COLEC10: variants seen among roughly 807,000 people sequenced by gnomAD.
COLEC10 encodes the protein collectin subfamily member 10.
A neutral mutation model predicts 28.4 loss-of-function variants in COLEC10; 22 were observed. That is an observed-to-expected ratio of 0.78 (90% CI 0.55 to 1.11). The LOEUF is 1.11. COLEC10 is among the 50% of genes least tolerant of loss of function. The pLI, the probability that COLEC10 is intolerant of heterozygous loss-of-function variation, is 0.00. For missense variants in COLEC10, 361 were observed against 344.1 expected (o/e 1.05, Z -0.39); for synonymous variants, 125 against 116.1 (o/e 1.08, Z -0.49).
chr8:118,977,868 C>T, the COLEC10 span, among the ~76,000 whole-genome samples: 1 of 151,954 alleles, frequency 6.6e-6, no homozygotes, highest in Non-Finnish European at 1.5e-5. Flanking sequence ...GTCTCACACT[C>T]CTGTGATTTT....
intron 1 of COLEC10, among the ~76,000 whole-genome samples, chr8:118,999,488 G>T (rs1813650742): frequency 6.6e-6 from 1 of 152,004 alleles, no homozygotes; most frequent in African/African-American, 2.4e-5. Context: ...CTACTCAGGA[G>T]GCTGAGGCAG....
chr8:119,012,800 A>C (rs1247761486), intron 2 of COLEC10, among the ~76,000 whole-genome samples: 1 of 150,188 alleles, frequency 6.7e-6, no homozygotes, highest in Non-Finnish European at 1.5e-5. Context: ...TATCCATTGG[A>C]TCTGTAGTGA....
chr8:118,964,156 G>A, the COLEC10 span, among the ~76,000 whole-genome samples: 2 of 152,290 alleles, frequency 1.3e-5, no homozygotes, highest in Admixed American at 6.5e-5. Context: ...GTAAGTCTAG[G>A]AAGCCAGACT....
chr8:119,060,857 A>G (rs571265022), intron 2 of COLEC10, among the ~76,000 whole-genome samples: 12 of 152,262 alleles, frequency 7.9e-5, no homozygotes, highest in African/African-American at 2.9e-4. Context: ...TGAATGGATC[A>G]GTGTAGGATA....
intron 3 of COLEC10, among the ~76,000 whole-genome samples, chr8:119,099,052 T>G (rs567269950): frequency 1.3e-5 from 2 of 152,088 alleles, no homozygotes; most frequent in Non-Finnish European, 2.9e-5. Flanking sequence ...TGATTTAGTA[T>G]AGGTAAATTC....
chr8:119,020,476 A>G (rs931168171), intron 2 of COLEC10, among the ~76,000 whole-genome samples: 1 of 152,156 alleles, frequency 6.6e-6, no homozygotes, highest in African/African-American at 2.4e-5. Flanking sequence ...TGCCTAGTAG[A>G]TGTACACAGA....
chr8:118,957,885 C>A, the COLEC10 span, among the ~76,000 whole-genome samples: 2 of 152,154 alleles, frequency 1.3e-5, no homozygotes, highest in African/African-American at 2.4e-5. Context: ...GGAATGGGAA[C>A]CTTCTGATGA....
At chr8:119,088,585 A>C (rs1413755254) in intron 1 of COLEC10, among the ~76,000 whole-genome samples, 1 of 152,190 alleles carries the variant, frequency 6.6e-6, no homozygotes, top group Non-Finnish European at 1.5e-5. Flanking sequence ...TGTCTTTAGA[A>C]GGTTTTGATT....
chr8:118,976,019 A>C, the COLEC10 span, among the ~76,000 whole-genome samples: 1 of 152,032 alleles, frequency 6.6e-6, no homozygotes, highest in Non-Finnish European at 1.5e-5. Context: ...ATCTTTCATC[A>C]ATTATCTTTT....
chr8:119,102,224 CTCCCTCCCTCCCTCCCTCCTTCCTTCTTT>C, intron 3 of COLEC10, 95 bp from the exon 4 acceptor site: 1 of 220,696 alleles, frequency 4.5e-6, no homozygotes, highest in Non-Finnish European at 9.2e-6. Flanking sequence ...CCCTCCCTCC[CTCCCTCCCTCCCTCCCTCCTTCCTTCTTT>C]TCCTTCCTTC....
intron 1 of COLEC10, among the ~76,000 whole-genome samples, chr8:119,078,428 G>C (rs550521691): frequency 2.8e-4 from 43 of 152,226 alleles, no homozygotes; most frequent in Non-Finnish European, 5.6e-4. Flanking sequence ...GATATGAGAA[G>C]GTCTTAGTGG....
intron 1 of COLEC10, among the ~76,000 whole-genome samples, chr8:119,070,534 A>C (rs67749565): frequency 0.75 from 35,993 of 47,776 alleles, 12,542 homozygotes; most frequent in African/African-American, 0.88. Flanking sequence ...CCCTCCCTCC[A>C]TCTCTCTCTC....
intron 2 of COLEC10, among the ~76,000 whole-genome samples, chr8:119,045,647 TAGAG>T (rs965347012): frequency 6.6e-5 from 10 of 152,268 alleles, no homozygotes; most frequent in African/African-American, 2.4e-4. Context: ...TTTCTACTTA[TAGAG>T]AATGTTTTTA....
chr8:119,103,747 C>T, intron 4 of COLEC10, 53 bp from the exon 5 acceptor site: 1 of 1,057,394 alleles, frequency 9.5e-7, no homozygotes, highest in South Asian at 1.3e-5. Flanking sequence ...ATGTTCCTTT[C>T]CACTGGTCTG....
intron 2 of COLEC10, among the ~76,000 whole-genome samples, chr8:119,024,317 T>G (rs1195915107): frequency 6.6e-6 from 1 of 151,988 alleles, no homozygotes; most frequent in Admixed American, 6.6e-5. Flanking sequence ...TGGAATAAAA[T>G]AGGAAAAAAA....
chr8:118,960,702 T>C, the COLEC10 span, among the ~76,000 whole-genome samples: 1 of 150,062 alleles, frequency 6.7e-6, no homozygotes, highest in Non-Finnish European at 1.5e-5. Flanking sequence ...GGAGAATCGC[T>C]TGAACCGGTG....
the COLEC10 span, among the ~76,000 whole-genome samples, chr8:118,978,222 G>A: frequency 0.017 from 2,571 of 152,042 alleles, 68 homozygotes; most frequent in African/African-American, 0.059. Flanking sequence ...AAGGGAAGTC[G>A]CAAAACATCA....
At chr8:118,968,750 A>G in the COLEC10 span, among the ~76,000 whole-genome samples, 1 of 151,396 alleles carries the variant, frequency 6.6e-6, no homozygotes, top group African/African-American at 2.4e-5. Context: ...ATTAGGTATT[A>G]CTCCTAATGC....
At chr8:119,098,446 C>T (rs944325589) in intron 3 of COLEC10, among the ~76,000 whole-genome samples, 2 of 152,038 alleles carry the variant, frequency 1.3e-5, no homozygotes, top group Non-Finnish European at 2.9e-5. Context: ...CTAATACATA[C>T]CTGTATCACT....
Sources: allele counts gnomAD v4.1 joint callset (sites outside exome capture counted in the v4.1 genomes callset), GRCh38; gene constraint gnomAD v4.1.1; transcripts MANE v1.5; gene names NCBI Gene and HGNC (gene_info 2026-07-23, HGNC 2026-07-21).